TRMT44: variants seen among roughly 807,000 people sequenced by gnomAD.
The protein encoded by TRMT44 is tRNA methyltransferase 44 homolog.
Under a neutral mutation model 77.3 loss-of-function variants are expected in TRMT44, and 78 were observed. The observed-to-expected ratio is 1.01, with a 90% confidence interval of 0.84 to 1.22. The LOEUF is 1.22. Among genes scored for constraint, TRMT44 ranks in the 50% most tolerant of loss-of-function variants. TRMT44 has a pLI of 0.00. For synonymous variants in TRMT44, 391 were observed against 383.3 expected, an observed-to-expected ratio of 1.02 and a Z score of -0.23; for missense variants, 1,090 against 964.4, an observed-to-expected ratio of 1.13 and a Z score of -1.73.
intron 2 of TRMT44, among the ~76,000 whole-genome samples, chr4:8,488,909 C>T (rs780601839): frequency 7.9e-5 from 12 of 152,096 alleles, no homozygotes; most frequent in East Asian, 3.8e-4. Flanking sequence ...ACCACTGCGA[C>T]GAAGGGAGGA....
chr4:8,450,013 C>T (rs1467134270), intron 3 of TRMT44, 125 bp downstream of exon 3: 12 of 586,658 alleles, frequency 2.0e-5, no homozygotes, highest in Non-Finnish European at 3.2e-5. Flanking sequence ...AAAAAAAGGG[C>T]CAGAGTGAAG....
At chr4:8,445,501 C>G (rs1725003921) in intron 1 of TRMT44, among the ~76,000 whole-genome samples, 2 of 152,224 alleles carry the variant, frequency 1.3e-5, no homozygotes. Flanking sequence ...TGCACCTGAG[C>G]ACACGCCTGC....
At chr4:8,475,383 C>T (rs755342700) in intron 10 of TRMT44, among the ~76,000 whole-genome samples, 1 of 152,214 alleles carries the variant, frequency 6.6e-6, no homozygotes, top group Non-Finnish European at 1.5e-5. Context: ...TCGGTGGCCT[C>T]AATGATGAGG....
chr4:8,468,132 G>A lies in TRMT44; in HGVS notation c.1713G>A (p.Trp571Ter). Residue 571 changes from tryptophan (W) to a stop codon, truncating the protein, a stop_gained, in exon 9 of 11, where the codon TGG (tryptophan) becomes TGA (stop). Transcript: ENST00000389737. LOFTEE classifies it high-confidence loss of function. ...GGGTCGGGTGTGTAACCAGGGCCTGGGCCGCTGAGCATGGAGCAGGGCCCC... is the reference window on the plus strand; with the variant it reads ...GGGTCGGGTGTGTAACCAGGGCCTGAGCCGCTGAGCATGGAGCAGGGCCCC... ...DARVGCVTRAWAAEHGAGPQA... is the reference protein window; with the variant it reads ...DARVGCVTRA The A allele has an allele frequency of 6.2e-7, 1 of 1,613,972 alleles. No homozygotes were observed.
rs116248439 is a variant in TRMT44 at position 8,450,337 on chromosome 4, A to G, written c.954+449A>G. ...GACATACTTAGGGGTGCACACAACA[A>G]AAACATAGACAGATATATAATGGAA... On this transcript the variant is annotated intron_variant, in intron 3 of 10. Transcript: ENST00000389737. 7.1e-3 allele frequency among the ~76,000 whole-genome samples: 1,076 copies of G among 152,278 alleles called. 13 individuals are homozygous for G. The highest frequency in any genetic ancestry group is 0.025 in the African/African-American group (1,029 of 41,546).
In TRMT44 at chr4:8,465,428, T is replaced by C; in HGVS notation, c.1361T>C (p.Phe454Ser). 11 of 1,613,948 alleles carry C rather than the reference T, an allele frequency of 6.8e-6. No individual in the cohort carries two copies. The highest frequency in any genetic ancestry group is 9.3e-6 in the Non-Finnish European group (11 of 1,179,966). The change falls in exon 8 of 11, where the codon TTC (phenylalanine) becomes TCC (serine). Residue 454 changes from phenylalanine to serine, a missense_variant. Coordinates refer to ENST00000389737, the MANE Select transcript of TRMT44 (RefSeq NM_152544.3). ...FFVLPCCFFD[F>S]IGRYSRRQSK... ...GTCCTCCCCTGCTGCTTCTTTGACT[T>C]CATTGGAAGATACTCCCGGAGGCAG...
intron 2 of TRMT44, among the ~76,000 whole-genome samples, chr4:8,447,509 T>G (rs1725129763): frequency 6.6e-6 from 1 of 152,074 alleles, no homozygotes; most frequent in South Asian, 2.1e-4. Context: ...CAGAGGGATG[T>G]GGCGAGAAGA....
chr4:8,471,675 C>G (rs1579081434), intron 10 of TRMT44, among the ~76,000 whole-genome samples: 1 of 152,234 alleles, frequency 6.6e-6, no homozygotes, highest in East Asian at 1.9e-4. Flanking sequence ...GCCCCACGGG[C>G]CTGGGCAGGC....
At chr4:8,495,665 G>A (rs1039095399), downstream of TRMT44, among the ~76,000 whole-genome samples, 1 of 152,178 alleles carries the variant, frequency 6.6e-6, no homozygotes, top group African/African-American at 2.4e-5. Context: ...CCAGAATCAG[G>A]AGCAGGCAGC....
intron 10 of TRMT44, among the ~76,000 whole-genome samples, chr4:8,472,010 CT>C (rs35572027): frequency 0.68 from 99,939 of 147,278 alleles, 33,848 homozygotes; most frequent in South Asian, 0.82. Flanking sequence ...CTTTGTGGCG[CT>C]TTTTTTTTTT....
chr4:8,514,169 C>G, the TRMT44 span, among the ~76,000 whole-genome samples: 1 of 151,994 alleles, frequency 6.6e-6, no homozygotes, highest in African/African-American at 2.4e-5. Flanking sequence ...GAAGAGCCAG[C>G]TCTGCACAGG....
At chr4:8,487,055 T>C (rs1727832844) in intron 2 of TRMT44, among the ~76,000 whole-genome samples, 1 of 152,318 alleles carries the variant, frequency 6.6e-6, no homozygotes, top group East Asian at 1.9e-4. Context: ...AGGAAGGGAC[T>C]GATGTGTAAA....
the TRMT44 span, among the ~76,000 whole-genome samples, chr4:8,506,080 A>G: frequency 6.6e-6 from 1 of 152,358 alleles, no homozygotes; most frequent in Admixed American, 6.5e-5. Context: ...ACAGCACCAT[A>G]GTTGGGGACG....
intron 2 of TRMT44, among the ~76,000 whole-genome samples, chr4:8,492,267 T>C (rs1298443394): frequency 1.3e-5 from 2 of 152,200 alleles, no homozygotes; most frequent in African/African-American, 2.4e-5. Flanking sequence ...CCTCAAATCA[T>C]GTAAACCACC....
At chr4:8,482,908 T>TGG (rs61003947) in intron 2 of TRMT44, among the ~76,000 whole-genome samples, 31 of 81,158 alleles carry the variant, frequency 3.8e-4, no homozygotes, top group African/African-American at 1.4e-3. Flanking sequence ...GCAAAAATTT[T>TGG]GGGGGGGGTG....
chr4:8,469,824 C>T (rs1358623083), intron 9 of TRMT44, among the ~76,000 whole-genome samples: 3 of 152,264 alleles, frequency 2.0e-5, no homozygotes, highest in Non-Finnish European at 2.9e-5. Flanking sequence ...GTCGCCCCCA[C>T]CCAGCCTGTC....
chr4:8,499,003 C>T, the TRMT44 span, among the ~76,000 whole-genome samples: 1 of 152,090 alleles, frequency 6.6e-6, no homozygotes, highest in South Asian at 2.1e-4. Context: ...TGTCTTTTCC[C>T]CTCTCTGTGG....
rs1015094121 is a variant in TRMT44, at chr4:8,461,929, C to G, written c.1204-2056C>G. Reference sequence around the variant, plus strand: ...ACAATCTAGAAAGTCAAAGGCCAGGCGTAGAATATAACTTTTTTTCTTTCT... The same window carrying G: ...ACAATCTAGAAAGTCAAAGGCCAGGGGTAGAATATAACTTTTTTTCTTTCT... On this transcript the variant is annotated intron_variant, in intron 6 of 10. Coordinates refer to ENST00000389737, the MANE Select transcript of TRMT44 (RefSeq NM_152544.3). This position sits in a 1 kb window ranked among gnomAD's most constrained non-coding sequence, Gnocchi z 4.6. 6.6e-6 allele frequency among the ~76,000 whole-genome samples: 1 copy of G among 152,062 alleles called. No individual in the cohort carries two copies. The highest frequency in any genetic ancestry group is 1.5e-5 in the Non-Finnish European group (1 of 68,028).
rs974310636 is a variant in TRMT44 at position 8,444,425 on chromosome 4, T to C, written c.620-2051T>C. 6.6e-6 allele frequency among the ~76,000 whole-genome samples: 1 copy of C among 151,686 alleles called. No homozygotes were observed. The highest frequency in any genetic ancestry group is 1.5e-5 in the Non-Finnish European group (1 of 67,878). ...ACTTTTTTTTTTTTTTTGAGAGTAG[T>C]CTCGCTCTGTGGCCCAGGCTAGAGT... On this transcript the variant is annotated intron_variant, in intron 1 of 10. Transcript: ENST00000389737. This position sits in a 1 kb window ranked among gnomAD's most constrained non-coding sequence, Gnocchi z 4.0.
Sources: gnomAD v4.1 joint callset for allele counts (sites outside exome capture counted in the v4.1 genomes callset) on GRCh38, gnomAD v4.1.1 for gene constraint, Gnocchi (gnomAD v3.1) non-coding constraint, MANE v1.5 for transcripts, NCBI Gene and HGNC (gene_info 2026-07-23, HGNC 2026-07-21) for gene names.